MED14: variants seen among roughly 807,000 people sequenced by gnomAD.
MED14 encodes mediator complex subunit 14.
In MED14, 8 loss-of-function variants were observed where a neutral mutation model predicts 109.0. The observed-to-expected ratio is 0.07, with a 90% confidence interval of 0.04 to 0.13. The LOEUF (loss-of-function observed/expected upper bound fraction) is 0.13, where lower values mean the gene tolerates loss of function less well. Ranked by LOEUF, MED14 falls within the 10% of genes least tolerant of loss-of-function variation. MED14 has a pLI of 1.00. For synonymous variants in MED14, 399 were observed against 408.7 expected (o/e 0.98, Z 0.29); for missense variants, 711 against 1,142.4 (o/e 0.62, Z 5.44).
Position 40,654,704 on chromosome X carries a change from T to G in MED14, c.4099-148A>C, listed in dbSNP as rs142017766. 683 of 701,482 alleles carry G rather than the reference T, an allele frequency of 9.7e-4. 5 individuals are homozygous for G. The African/African-American group carries it at 0.014, about 14-fold the overall frequency. 57.8% of individuals were successfully genotyped at this position (701,482 alleles called of 1,213,427 possible). On this transcript the variant is annotated intron_variant, in intron 29 of 30. Transcript: ENST00000324817. ...CATGACAAGAAAAGTGACAAACAAC[T>G]GAATATTATGGTTAAGATGCAACTG...
chrX:40,652,018 T>A (rs1238921000), intron 30 of MED14, 139 bp from the exon 31 acceptor site: 1 of 592,789 alleles, frequency 1.7e-6, no homozygotes, highest in Non-Finnish European at 2.4e-6. Flanking sequence ...ACTGCCCAGA[T>A]TATTGGGGAT....
chrX:40,734,173 G>A (rs947288619), intron 1 of MED14, among the ~76,000 whole-genome samples: 2 of 111,725 alleles, frequency 1.8e-5, no homozygotes, highest in African/African-American at 3.3e-5. Context: ...GGTGCAGAGA[G>A]GTATATCATT....
At chrX:40,731,508 G>A (rs1348455850) in intron 1 of MED14, among the ~76,000 whole-genome samples, 1 of 111,324 alleles carries the variant, frequency 9.0e-6, no homozygotes, top group Non-Finnish European at 1.9e-5. Context: ...AATCAAAAGT[G>A]AAAAAAGTTG....
intron 28 of MED14, among the ~76,000 whole-genome samples, chrX:40,655,443 A>G (rs73469379): frequency 9.4e-4 from 104 of 110,940 alleles, no homozygotes; most frequent in African/African-American, 3.3e-3. Flanking sequence ...CCATCCTCAT[A>G]CCACCATCAG....
In MED14 at chrX:40,651,528, T is replaced by C. The variant is rs1386872394; in HGVS notation, c.*278A>G. The stretch of plus-strand genomic sequence containing the variant: ...CAAGTTTGGCATTTTCATAACTTTA[T>C]AGTATAAAACAGAATATTAAATTTA... On this transcript the variant is annotated 3_prime_UTR_variant, in exon 31 of 31. Transcript: ENST00000324817. 2.4e-6 allele frequency: 2 copies of C among 843,973 alleles called. No homozygotes were observed. The highest frequency in any genetic ancestry group is 2.9e-6 in the Non-Finnish European group (2 of 691,354). The allele number at this position is 843,973 out of a possible 1,213,427, so 69.6% of individuals were successfully genotyped here.
chrX:40,663,237 A>G, intron 25 of MED14, 77 bp from the exon 26 acceptor site: 1 of 764,898 alleles, frequency 1.3e-6, no homozygotes, highest in Non-Finnish European at 1.9e-6. Flanking sequence ...TTTCATCATA[A>G]ATCTTTGATG....
intron 20 of MED14, 106 bp from the exon 21 acceptor site, chrX:40,680,239 C>T (rs1930063658): frequency 1.2e-6 from 1 of 847,812 alleles, no homozygotes; most frequent in Admixed American, 3.1e-5. Flanking sequence ...CCTTCTGGCA[C>T]ATTCCATAAA....
chrX:40,695,315 C>A (rs780530091), intron 13 of MED14, among the ~76,000 whole-genome samples: 30 of 111,776 alleles, frequency 2.7e-4, no homozygotes, highest in Non-Finnish European at 5.1e-4. Flanking sequence ...ATAAAGCTAA[C>A]CAAAAAAGAA....
chrX:40,686,594 T>C (rs1267261766), intron 16 of MED14, among the ~76,000 whole-genome samples: 1 of 111,656 alleles, frequency 9.0e-6, no homozygotes, highest in Non-Finnish European at 1.9e-5. Flanking sequence ...TTCTGTAGTA[T>C]CTAAAGTGAG....
chrX:40,654,253 G>A (rs776488660), intron 30 of MED14, 111 bp downstream of exon 30: 9 of 653,528 alleles, frequency 1.4e-5, no homozygotes, highest in African/African-American at 8.9e-5. Context: ...CTATTGCTAT[G>A]ATTGGGTGGT....
intron 13 of MED14, among the ~76,000 whole-genome samples, chrX:40,693,904 T>G (rs1034961243): frequency 9.0e-6 from 1 of 110,790 alleles, no homozygotes; most frequent in Admixed American, 9.6e-5. Context: ...GAAGTAGGTT[T>G]GTTTGTTTTT....
rs1334293415 is a variant in MED14 at position 40,673,389 on chromosome X, CT to C, written c.3022-1418del. Among the ~76,000 whole-genome samples the C allele has an allele frequency of 2.7e-5, 3 of 112,146 alleles. No homozygotes were observed. The Admixed American group carries it at 2.8e-4, about 11-fold the overall frequency. ...AGTTTTCCCAAAGTGACAAATCATT[CT>C]AACTTTTCTAGAATATCCTAACCTT... On this transcript the variant is annotated intron_variant, in intron 22 of 30. Transcript: ENST00000324817.
chrX:40,733,500 G>A (rs1932153459), intron 1 of MED14, among the ~76,000 whole-genome samples: 1 of 112,041 alleles, frequency 8.9e-6, no homozygotes, highest in Middle Eastern at 4.6e-3. Flanking sequence ...TTGTGGAGAA[G>A]AAACTATAGA....
chrX:40,666,858 A>G lies in MED14; in HGVS notation c.3134-7T>C. ...CTGGCAGCATGCAGATTTCCTAATAAAGGAAAATAATTATAGATAATCTTG... is the reference window on the plus strand; with the variant it reads ...CTGGCAGCATGCAGATTTCCTAATAGAGGAAAATAATTATAGATAATCTTG... On this transcript the variant is annotated splice_region_variant and splice_polypyrimidine_tract_variant and intron_variant, in intron 23 of 30. Transcript: ENST00000324817. 2.6e-6 allele frequency: 3 copies of G among 1,151,745 alleles called. No individual in the cohort carries two copies. The East Asian group carries it at 9.7e-5, about 37-fold the overall frequency. The allele number at this position is 1,151,745 out of a possible 1,213,427, so 94.9% of individuals were successfully genotyped here. A position where few individuals can be genotyped will look rare whatever the true frequency, so the allele number is the denominator to read the frequency against.
At position 40,650,257 on chromosome X, in the gene MED14, G is replaced by A; in HGVS notation, c.*1549C>T. The A allele has an allele frequency of 1.3e-6, 1 of 753,635 alleles. No homozygotes were observed. Among genetic ancestry groups the A allele is most frequent in the Non-Finnish European group, 1.6e-6 (1 of 638,572 alleles). The allele number at this position is 753,635 out of a possible 1,213,427, so 62.1% of individuals were successfully genotyped here. A position where few individuals can be genotyped will look rare whatever the true frequency, so the allele number is the denominator to read the frequency against. On this transcript the variant is annotated 3_prime_UTR_variant, in exon 31 of 31. Coordinates refer to ENST00000324817, the MANE Select transcript of MED14 (RefSeq NM_004229.4). ...CAGAGTTGGGTGAGAAGTGGGAGAT[G>A]AAGGCAGAAATAAGACAAAGAAGAA...
At chrX:40,729,296 G>A in intron 2 of MED14, 23 bp downstream of exon 2, 1 of 1,191,125 alleles carries the variant, frequency 8.4e-7, no homozygotes, top group Non-Finnish European at 1.1e-6. Context: ...GAGACTTTAA[G>A]GGTTTTTTTT....
intron 11 of MED14, among the ~76,000 whole-genome samples, chrX:40,702,166 TTC>T (rs1330822539): frequency 2.7e-5 from 3 of 111,411 alleles, no homozygotes; most frequent in Non-Finnish European, 5.7e-5. Flanking sequence ...CAAAATAAAT[TTC>T]TGTTGTTTAA....
intron 3 of MED14, among the ~76,000 whole-genome samples, chrX:40,719,673 C>A (rs751506399): frequency 1.8e-5 from 2 of 111,932 alleles, no homozygotes; most frequent in South Asian, 7.4e-4. Context: ...CTAAAGGGCA[C>A]AGGTTTTCTT....
Position 40,711,261 on chromosome X carries a change from G to A in MED14, c.930C>T (p.Ser310=), listed in dbSNP as rs928763550. 5.0e-6 allele frequency: 6 copies of A among 1,203,111 alleles called. No homozygotes were observed. The Admixed American group carries it at 1.3e-4, about 26-fold the overall frequency. Residue 310 remains serine, a synonymous_variant, in exon 8 of 31, where the codon TCC becomes TCT. Transcript: ENST00000324817. The part of the protein sequence containing the change: ...CLSLQLEVLH[S]QTLMLIRERW... Reference sequence around the variant, plus strand: ...GTTCTCGGATTAACATTAGAGTTTGGGAATGTAACACTTCTAACTGAAGTG... The same window carrying A: ...GTTCTCGGATTAACATTAGAGTTTGAGAATGTAACACTTCTAACTGAAGTG...
Sources: allele counts gnomAD v4.1 joint callset (sites outside exome capture counted in the v4.1 genomes callset), GRCh38; gene constraint gnomAD v4.1.1; transcripts MANE v1.5; gene names NCBI Gene and HGNC (gene_info 2026-07-23, HGNC 2026-07-21).